Variants in ACVR2B observed in about 807,000 individuals in gnomAD.
The protein encoded by ACVR2B is activin receptor type-2B.
ACVR2B carries 18 observed loss-of-function variants against 65.1 expected under a neutral mutation model. The ratio of observed to expected loss-of-function variants is 0.28; its 90% CI spans 0.19 to 0.41. The LOEUF is 0.41. ACVR2B is among the 10% of genes least tolerant of loss of function. The probability of loss-of-function intolerance (pLI) is 1.00; values close to 1 mark genes in which losing one functional copy is unlikely to be tolerated. For missense variants in ACVR2B, 482 were observed against 682.7 expected (o/e 0.71, Z 3.28); for synonymous variants, 298 against 277.7 (o/e 1.07, Z -0.73).
intron 1 of ACVR2B, among the ~76,000 whole-genome samples, chr3:38,455,004 A>C (rs1171035657): frequency 1.4e-5 from 2 of 139,434 alleles, no homozygotes; most frequent in Non-Finnish European, 1.5e-5. Flanking sequence ...GGCACTTGGG[A>C]GGGGAGGGGG....
rs568622220 is a variant in ACVR2B, at chr3:38,481,963, G to T, written c.1075-235G>T. ...TTAATTTGGTAACAATTCCATTTTAGATTACTATTATCTCCAGGATATAGT... is the reference window on the plus strand; with the variant it reads ...TTAATTTGGTAACAATTCCATTTTATATTACTATTATCTCCAGGATATAGT... On this transcript the variant is annotated intron_variant, in intron 8 of 10. Coordinates refer to ENST00000352511, the MANE Select transcript of ACVR2B (RefSeq NM_001106.4). This position sits in a 1 kb window ranked among gnomAD's most constrained non-coding sequence, Gnocchi z 4.7. 1.2e-4 allele frequency among the ~76,000 whole-genome samples: 18 copies of T among 152,176 alleles called. No individual in the cohort carries two copies. In the South Asian group the frequency reaches 2.9e-3, roughly 25 times the overall value.
chr3:38,459,800 A>G (rs1575577953), intron 1 of ACVR2B: 1 of 406,094 alleles, frequency 2.5e-6, no homozygotes, highest in Non-Finnish European at 3.3e-6. Context: ...TGCCTTAGAC[A>G]GGCAGCCGAC....
chr3:38,467,543 G>C (rs1709752143), intron 1 of ACVR2B, among the ~76,000 whole-genome samples: 1 of 151,688 alleles, frequency 6.6e-6, no homozygotes, highest in African/African-American at 2.4e-5. Context: ...CTGGAGCCCA[G>C]AGTTTGAGAC....
At position 38,492,777 on chromosome 3, in the gene ACVR2B, C is replaced by CCTA. The variant is rs2059821458; in HGVS notation, c.*9445_*9446insCTA. The CCTA allele has an allele frequency of 4.1e-5, 2 of 48,782 alleles. No individual in the cohort carries two copies. Among genetic ancestry groups the CCTA allele is most frequent in the African/African-American group, 1.0e-4 (2 of 20,094 alleles). 3.0% of individuals were successfully genotyped at this position (48,782 alleles called of 1,614,324 possible). A position where few individuals can be genotyped will look rare whatever the true frequency, so the allele number is the denominator to read the frequency against. ...ACACACACACACACACACACACACA[C>CCTA]ACACACACACACACACACACACACA... On this transcript the variant is annotated 3_prime_UTR_variant, in exon 11 of 11. Coordinates refer to ENST00000352511, the MANE Select transcript of ACVR2B (RefSeq NM_001106.4).
intron 7 of ACVR2B, among the ~76,000 whole-genome samples, chr3:38,480,863 G>C (rs1245977737): frequency 6.6e-6 from 1 of 152,220 alleles, no homozygotes; most frequent in Non-Finnish European, 1.5e-5. Flanking sequence ...TAGAGGTGGA[G>C]CTGGGTGCAT....
chr3:38,478,080 C>G, intron 3 of ACVR2B, 61 bp from the exon 4 acceptor site: 1 of 1,603,344 alleles, frequency 6.2e-7, no homozygotes, highest in South Asian at 1.1e-5. Flanking sequence ...GCCCTGTAGT[C>G]TGGCTCTGGA....
chr3:38,455,480 C>T (rs955880670), intron 1 of ACVR2B, among the ~76,000 whole-genome samples: 2 of 151,978 alleles, frequency 1.3e-5, no homozygotes, highest in African/African-American at 2.4e-5. Flanking sequence ...CGGGGCCGGG[C>T]GTGCAGGGGC....
intron 1 of ACVR2B, among the ~76,000 whole-genome samples, chr3:38,469,651 G>A (rs755642493): frequency 6.6e-6 from 1 of 152,202 alleles, no homozygotes; most frequent in Non-Finnish European, 1.5e-5. Context: ...TAATGTCCTA[G>A]GGAGATTGGC....
rs182525567 is a variant in ACVR2B at position 38,469,648 on chromosome 3, C to T, written c.53-7639C>T. Among the ~76,000 whole-genome samples, 24 of 152,236 alleles carry T rather than the reference C, an allele frequency of 1.6e-4. No individual in the cohort carries two copies. In the East Asian group the frequency reaches 3.1e-3, roughly 20 times the overall value. On this transcript the variant is annotated intron_variant, in intron 1 of 10. Transcript: ENST00000352511. Reference sequence around the variant, plus strand: ...AAAGTGGTTCCAAATAGTTAATGTCCTAGGGAGATTGGCAGAAGGCAGAAA... The same window carrying T: ...AAAGTGGTTCCAAATAGTTAATGTCTTAGGGAGATTGGCAGAAGGCAGAAA...
intron 1 of ACVR2B, among the ~76,000 whole-genome samples, chr3:38,468,483 G>A (rs572951970): frequency 6.6e-6 from 1 of 152,146 alleles, no homozygotes; most frequent in Non-Finnish European, 1.5e-5. Context: ...TGTCGAAGAG[G>A]CTCTCTGTTC....
At chr3:38,460,324 TC>T (rs1709622816) in intron 1 of ACVR2B, among the ~76,000 whole-genome samples, 1 of 152,184 alleles carries the variant, frequency 6.6e-6, no homozygotes, top group Non-Finnish European at 1.5e-5. Flanking sequence ...TTCCTTGTGG[TC>T]CTGGGGGTAC....
intron 5 of ACVR2B, 88 bp from the exon 6 acceptor site, chr3:38,479,040 G>A (rs1709966429): frequency 6.4e-7 from 1 of 1,567,064 alleles, no homozygotes; most frequent in Non-Finnish European, 8.8e-7. Context: ...GTGGGGAATG[G>A]GGAATGGTTG....
intron 1 of ACVR2B, among the ~76,000 whole-genome samples, chr3:38,471,500 TGCACACACACAC>T (rs1709817295): frequency 6.6e-6 from 1 of 152,096 alleles, no homozygotes; most frequent in Non-Finnish European, 1.5e-5. Context: ...CACACATGAG[TGCACACACACAC>T]GCACACACAC....
At chr3:38,479,995 G>T (rs1363985366) in intron 7 of ACVR2B, among the ~76,000 whole-genome samples, 169 bp downstream of exon 7, 1 of 152,140 alleles carries the variant, frequency 6.6e-6, no homozygotes, top group Non-Finnish European at 1.5e-5. Flanking sequence ...TGTGTCCTGG[G>T]GATGGCATGG....
At chr3:38,462,471 C>G (rs1447114353) in intron 1 of ACVR2B, among the ~76,000 whole-genome samples, 1 of 152,206 alleles carries the variant, frequency 6.6e-6, no homozygotes, top group Non-Finnish European at 1.5e-5. Flanking sequence ...AGGTTAACTA[C>G]TATTCTAACT....
At chr3:38,459,663 G>A (rs1477952087) in intron 1 of ACVR2B, 11 of 985,314 alleles carry the variant, frequency 1.1e-5, no homozygotes, top group African/African-American at 1.7e-5. Context: ...GGGGACACCA[G>A]GGCAGGTGGG....
rs142575940 is a variant in ACVR2B, at chr3:38,464,789, G to A, written c.52+10415G>A. On this transcript the variant is annotated intron_variant, in intron 1 of 10. Coordinates refer to ENST00000352511, the MANE Select transcript of ACVR2B (RefSeq NM_001106.4). ...ATATTCTGGGCTGCTGGGTTTGGTG[G>A]TGCACACCTGTAATCCCAGCTACTT... 5.3e-5 allele frequency among the ~76,000 whole-genome samples: 8 copies of A among 152,270 alleles called. No individual in the cohort carries two copies. In the East Asian group the frequency reaches 1.5e-3, roughly 29 times the overall value.
chr3:38,478,975 A>G (rs1323212851), intron 5 of ACVR2B, among the ~76,000 whole-genome samples, 153 bp from the exon 6 acceptor site: 1 of 150,662 alleles, frequency 6.6e-6, no homozygotes. Context: ...TGGTCCCCTT[A>G]CAAATGCTGA....
rs1449714590 is a variant in ACVR2B at position 38,492,861 on chromosome 3, C to G, written c.*9529C>G. 6.7e-6 allele frequency: 1 copy of G among 150,108 alleles called. No individual in the cohort carries two copies. The highest frequency in any genetic ancestry group is 1.5e-5 in the Non-Finnish European group (1 of 67,752). The allele number at this position is 150,108 out of a possible 1,614,324, so 9.3% of individuals were successfully genotyped here. ...TGTAATTACAGTTGCAAAATGAAAA[C>G]ATTTTGGAAAGAACATTGTATCATA... On this transcript the variant is annotated 3_prime_UTR_variant, in exon 11 of 11. Transcript: ENST00000352511.
Sources: allele counts gnomAD v4.1 joint callset (sites outside exome capture counted in the v4.1 genomes callset), GRCh38; gene constraint gnomAD v4.1.1; non-coding constraint Gnocchi (gnomAD v3.1); transcripts MANE v1.5; gene names NCBI Gene and HGNC (gene_info 2026-07-23, HGNC 2026-07-21).